Variants in SPATA16 observed in about 807,000 individuals in gnomAD.
The protein encoded by SPATA16 is spermatogenesis-associated protein 16.
SPATA16 carries 36 observed loss-of-function variants against 63.3 expected under a neutral mutation model. The observed-to-expected ratio is 0.57, with a 90% CI of 0.44 to 0.75. The LOEUF (loss-of-function observed/expected upper bound fraction) is 0.75. Among genes scored for constraint, SPATA16 ranks in the 30% least tolerant of loss-of-function variants. SPATA16 has a pLI of 0.00. For missense variants in SPATA16, 646 were observed against 679.3 expected (o/e 0.95, Z 0.54); for synonymous variants, 203 against 216.7 (o/e 0.94, Z 0.56).
At chr3:173,062,294 C>A (rs1246344451) in intron 2 of SPATA16, among the ~76,000 whole-genome samples, 1 of 152,088 alleles carries the variant, frequency 6.6e-6, no homozygotes, top group East Asian at 1.9e-4. Context: ...ACCTTCTTCC[C>A]TCCTTGCCTT....
At chr3:172,896,251 C>T (rs1204012437) in intron 10 of SPATA16, among the ~76,000 whole-genome samples, 5 of 152,252 alleles carry the variant, frequency 3.3e-5, no homozygotes, top group Admixed American at 3.3e-4. Context: ...GACGGAGTCT[C>T]GCTCTGTCAC....
intron 2 of SPATA16, among the ~76,000 whole-genome samples, chr3:173,088,742 G>T (rs1369370535): frequency 2.0e-5 from 3 of 152,158 alleles, no homozygotes; most frequent in African/African-American, 7.2e-5. Flanking sequence ...ATATTTCATG[G>T]ATGTCCTAGG....
rs1038313074 is a variant in SPATA16 at position 173,023,823 on chromosome 3, A to T, written c.759-4248T>A. Among the ~76,000 whole-genome samples the T allele has an allele frequency of 4.0e-5, 6 of 151,602 alleles. No homozygotes were observed. In the East Asian group the frequency reaches 7.7e-4, roughly 19 times the overall value. On this transcript the variant is annotated intron_variant, in intron 3 of 10. Transcript: ENST00000351008. ...AAACTCTGCATGAGAATATATGTCAATATGTCTATATTCACATATCTATGT... is the reference window on the plus strand; with the variant it reads ...AAACTCTGCATGAGAATATATGTCATTATGTCTATATTCACATATCTATGT...
rs71162325 is a variant in SPATA16 at position 173,056,705 on chromosome 3, C to CAAAAAA, written c.613-7617_613-7612dup. On this transcript the variant is annotated intron_variant, in intron 2 of 10. Coordinates refer to ENST00000351008, the MANE Select transcript of SPATA16 (RefSeq NM_031955.6). ...GAGCAACAGAGTGAGACTCTTGTTTCAAAAAAAAAAAAAAAAAAAAAAAAG... is the reference window on the plus strand; with the variant it reads ...GAGCAACAGAGTGAGACTCTTGTTTCAAAAAAAAAAAAAAAAAAAAAAAAAAAAAAG... 5.5e-3 allele frequency among the ~76,000 whole-genome samples: 404 copies of CAAAAAA among 73,506 alleles called. 14 individuals carry two copies. Among genetic ancestry groups the CAAAAAA allele is most frequent in the Middle Eastern group, 0.019 (1 of 52 alleles). The allele number at this position is 73,506 out of a possible 152,430, so 48.2% of individuals were successfully genotyped here.
chr3:173,010,220 C>G (rs1384011882), intron 4 of SPATA16, among the ~76,000 whole-genome samples: 1 of 152,194 alleles, frequency 6.6e-6, no homozygotes, highest in African/African-American at 2.4e-5. Flanking sequence ...AACGGACAGA[C>G]CTACCGTGAT....
intron 10 of SPATA16, among the ~76,000 whole-genome samples, chr3:172,904,560 A>G (rs1035931105): frequency 6.6e-6 from 1 of 152,240 alleles, no homozygotes; most frequent in Non-Finnish European, 1.5e-5. Flanking sequence ...TTCAGCCAAC[A>G]AAGCACTTAA....
At chr3:173,109,663 C>T (rs1481888176) in intron 2 of SPATA16, among the ~76,000 whole-genome samples, 1 of 152,052 alleles carries the variant, frequency 6.6e-6, no homozygotes, top group Non-Finnish European at 1.5e-5. Context: ...TAAACGTCAA[C>T]TTAAAGATCA....
intron 4 of SPATA16, among the ~76,000 whole-genome samples, chr3:173,019,124 A>T (rs750739237): frequency 2.4e-4 from 37 of 152,062 alleles, no homozygotes; most frequent in Non-Finnish European, 4.4e-4. Flanking sequence ...TTTTCACGTG[A>T]TTGGATTTCC....
intron 1 of SPATA16, among the ~76,000 whole-genome samples, chr3:173,132,649 T>C (rs550067498): frequency 6.6e-6 from 1 of 152,268 alleles, no homozygotes; most frequent in Admixed American, 6.5e-5. Flanking sequence ...TAATCATCTG[T>C]ATTAGATTGG....
Position 173,049,604 on chromosome 3 carries a change from C to G in SPATA16, c.613-510G>C, listed in dbSNP as rs536366752. ...AACTCCTAGGAGCCATTAACATGAT[C>G]GGTGATTAATTTGAGTCTGAATCAT... On this transcript the variant is annotated intron_variant, in intron 2 of 10. Coordinates refer to ENST00000351008, the MANE Select transcript of SPATA16 (RefSeq NM_031955.6). Among the ~76,000 whole-genome samples the G allele has an allele frequency of 1.6e-4, 24 of 152,018 alleles. No homozygotes were observed. The South Asian group carries it at 2.3e-3, about 15-fold the overall frequency.
At chr3:173,035,044 C>T (rs570934922) in intron 3 of SPATA16, among the ~76,000 whole-genome samples, 31 of 152,112 alleles carry the variant, frequency 2.0e-4, no homozygotes, top group Non-Finnish European at 3.4e-4. Context: ...GGAAAGAATA[C>T]GCTTTCCAGA....
At chr3:173,126,548 G>T (rs1333040534) in intron 1 of SPATA16, among the ~76,000 whole-genome samples, 1 of 152,168 alleles carries the variant, frequency 6.6e-6, no homozygotes, top group Non-Finnish European at 1.5e-5. Flanking sequence ...GTATAGATGT[G>T]TAAAGAAAAA....
chr3:172,957,914 A>G (rs1408856576), intron 5 of SPATA16, among the ~76,000 whole-genome samples: 1 of 152,210 alleles, frequency 6.6e-6, no homozygotes, highest in Non-Finnish European at 1.5e-5. Flanking sequence ...AAATGCCTCT[A>G]TGATCATCTA....
chr3:173,093,141 A>G (rs1048439493), intron 2 of SPATA16, among the ~76,000 whole-genome samples: 4 of 151,756 alleles, frequency 2.6e-5, no homozygotes, highest in African/African-American at 9.7e-5. Context: ...GTGAAAGTCT[A>G]TCCCCAATTC....
At chr3:172,913,839 AC>A in intron 9 of SPATA16, 95 bp from the exon 10 acceptor site, 1 of 1,081,354 alleles carries the variant, frequency 9.2e-7, no homozygotes, top group Non-Finnish European at 1.4e-6. Flanking sequence ...AATCATTTGT[AC>A]GCTGATGATT....
At chr3:172,903,606 G>T (rs887667545) in intron 10 of SPATA16, among the ~76,000 whole-genome samples, 1 of 152,218 alleles carries the variant, frequency 6.6e-6, no homozygotes, top group Non-Finnish European at 1.5e-5. Context: ...TCACTAGAGA[G>T]TGACCCTCAG....
intron 2 of SPATA16, among the ~76,000 whole-genome samples, chr3:173,056,898 TC>T (rs1329802216): frequency 6.6e-6 from 1 of 151,874 alleles, no homozygotes; most frequent in Non-Finnish European, 1.5e-5. Flanking sequence ...TTTCTTCCTT[TC>T]CCCCAAATGT....
At chr3:172,950,669 T>C (rs1733407996) in intron 6 of SPATA16, among the ~76,000 whole-genome samples, 1 of 152,196 alleles carries the variant, frequency 6.6e-6, no homozygotes, top group Non-Finnish European at 1.5e-5. Flanking sequence ...TTATTCTTAC[T>C]GGTAAATGAT....
In SPATA16 at chr3:173,076,931, A is replaced by C. The variant is rs565623459; in HGVS notation, c.613-27837T>G. Reference sequence around the variant, plus strand: ...CAGCAAATCCTCAGAACCTTTAGAGAGTTTCTGAAGAGCATGTGAATTGTT... The same window carrying C: ...CAGCAAATCCTCAGAACCTTTAGAGCGTTTCTGAAGAGCATGTGAATTGTT... On this transcript the variant is annotated intron_variant, in intron 2 of 10. Coordinates refer to ENST00000351008, the MANE Select transcript of SPATA16 (RefSeq NM_031955.6). 9.2e-4 allele frequency among the ~76,000 whole-genome samples: 140 copies of C among 152,192 alleles called. 1 individual carries two copies. The highest frequency in any genetic ancestry group is 1.7e-3 in the Non-Finnish European group (115 of 67,982).
Sources: gnomAD v4.1 joint callset for allele counts (sites outside exome capture counted in the v4.1 genomes callset) on GRCh38, gnomAD v4.1.1 for gene constraint, MANE v1.5 for transcripts, NCBI Gene and HGNC (gene_info 2026-07-23, HGNC 2026-07-21) for gene names.